Variants in AGBL1 observed in about 807,000 individuals in gnomAD.
The protein encoded by AGBL1 is cytosolic carboxypeptidase 4.
Under a neutral mutation model 118.9 loss-of-function variants are expected in AGBL1, and 130 were observed. The observed-to-expected ratio is 1.09, with a 90% CI of 0.95 to 1.26. The LOEUF is 1.26. Ranked by LOEUF, AGBL1 falls within the 50% of genes most tolerant of loss-of-function variation. The pLI is 0.00. For synonymous variants in AGBL1, 555 were observed against 478.9 expected (o/e 1.16, Z -2.08); for missense variants, 1,584 against 1,298.1 (o/e 1.22, Z -3.38).
In AGBL1 at chr15:87,001,666, G is replaced by A. The variant is rs563280417; in HGVS notation, c.3323+13578G>A. Among the ~76,000 whole-genome samples the A allele has an allele frequency of 1.2e-4, 19 of 152,034 alleles. No homozygotes were observed. In the East Asian group the frequency reaches 2.1e-3, roughly 17 times the overall value. ...GTTGTTTCCTGACTTTTTAATGATC[G>A]CCATTCTAACTGGTGGGAGATGATA... On this transcript the variant is annotated intron_variant, in intron 24 of 24. Transcript: ENST00000441037.
At chr15:86,452,452 C>G (rs932295841) in intron 18 of AGBL1, among the ~76,000 whole-genome samples, 1 of 152,176 alleles carries the variant, frequency 6.6e-6, no homozygotes, top group Non-Finnish European at 1.5e-5. Context: ...TTTCCATTTA[C>G]TCTCCCTGTC....
At chr15:86,160,161 T>C (rs939702855) in intron 5 of AGBL1, among the ~76,000 whole-genome samples, 6 of 150,600 alleles carry the variant, frequency 4.0e-5, no homozygotes, top group Non-Finnish European at 8.9e-5. Context: ...CAGTGTTCTA[T>C]GTCTCTCATT....
chr15:86,411,087 T>C (rs971066492), intron 18 of AGBL1, among the ~76,000 whole-genome samples: 7 of 150,578 alleles, frequency 4.6e-5, no homozygotes, highest in South Asian at 2.1e-4. Flanking sequence ...ATGCCTTTTT[T>C]CCTCATGCTT....
At chr15:86,942,953 T>C (rs1400593913) in intron 23 of AGBL1, among the ~76,000 whole-genome samples, 1 of 152,196 alleles carries the variant, frequency 6.6e-6, no homozygotes, top group Non-Finnish European at 1.5e-5. Context: ...CTGTTCTCAC[T>C]TTTCACTGTA....
intron 17 of AGBL1, among the ~76,000 whole-genome samples, chr15:86,325,505 G>A (rs1217539280): frequency 6.6e-6 from 1 of 152,148 alleles, no homozygotes; most frequent in Admixed American, 6.5e-5. Context: ...TGCAGGTTTG[G>A]CAGGGCCTCT....
chr15:86,913,978 T>C lies in AGBL1; in HGVS notation c.*6684T>C, dbSNP rs546533058. 114 of 152,314 alleles carry C rather than the reference T, an allele frequency of 7.5e-4. No individual in the cohort carries two copies. The highest frequency in any genetic ancestry group is 2.6e-3 in the African/African-American group (109 of 41,568). The allele number at this position is 152,314 out of a possible 1,614,324, so 9.4% of individuals were successfully genotyped here. On this transcript the variant is annotated 3_prime_UTR_variant, in exon 23 of 23. Coordinates refer to ENST00000614907, the MANE Select transcript of AGBL1 (RefSeq NM_001386094.1). Reference sequence around the variant, plus strand: ...GCTCTTATGGGGTTAAAATGATTTCTTGGTATCAGACAAGTATTATGACCA... The same window carrying C: ...GCTCTTATGGGGTTAAAATGATTTCCTGGTATCAGACAAGTATTATGACCA...
intron 22 of AGBL1, among the ~76,000 whole-genome samples, chr15:86,742,235 T>C (rs1484669572): frequency 1.3e-5 from 2 of 152,190 alleles, no homozygotes; most frequent in Non-Finnish European, 2.9e-5. Context: ...TTCCTTTTTG[T>C]ACTTTTTATG....
At chr15:86,448,514 A>G (rs749869299) in intron 18 of AGBL1, among the ~76,000 whole-genome samples, 2 of 152,350 alleles carry the variant, frequency 1.3e-5, no homozygotes, top group Non-Finnish European at 1.5e-5. Flanking sequence ...ACCCATTGTC[A>G]GTTAAGGAAC....
intron 21 of AGBL1, among the ~76,000 whole-genome samples, chr15:86,588,806 A>G (rs926052733): frequency 1.3e-5 from 2 of 152,196 alleles, no homozygotes; most frequent in Non-Finnish European, 1.5e-5. Flanking sequence ...ATTTATTGAT[A>G]GTGACTCTTC....
chr15:86,706,877 G>A (rs78677285), intron 22 of AGBL1, among the ~76,000 whole-genome samples: 4 of 152,060 alleles, frequency 2.6e-5, no homozygotes, highest in Non-Finnish European at 5.9e-5. Flanking sequence ...GCTTACTTCA[G>A]TTTTCTCTAC....
chr15:86,572,613 G>T (rs2084026472), intron 21 of AGBL1, among the ~76,000 whole-genome samples: 2 of 152,194 alleles, frequency 1.3e-5, no homozygotes, highest in Non-Finnish European at 2.9e-5. Context: ...AGCTGCGGAG[G>T]CTCTGGGCCT....
At chr15:86,105,464 G>A (rs961243347) in intron 1 of AGBL1, 1 of 152,202 alleles carries the variant, frequency 6.6e-6, no homozygotes. Flanking sequence ...AGTTAGATCT[G>A]TGTTCTGAAT....
intron 22 of AGBL1, among the ~76,000 whole-genome samples, chr15:86,845,043 T>C (rs938501813): frequency 6.6e-5 from 10 of 152,164 alleles, no homozygotes; most frequent in South Asian, 2.1e-4. Flanking sequence ...TCTACACTTT[T>C]ATGCAGTGCT....
At chr15:86,735,329 C>A (rs2077577449) in intron 22 of AGBL1, among the ~76,000 whole-genome samples, 1 of 152,168 alleles carries the variant, frequency 6.6e-6, no homozygotes, top group Admixed American at 6.5e-5. Flanking sequence ...GATCCACCCA[C>A]CTCAGCCTCC....
chr15:86,548,214 C>T (rs1401756701), intron 20 of AGBL1, among the ~76,000 whole-genome samples: 1 of 152,096 alleles, frequency 6.6e-6, no homozygotes, highest in African/African-American at 2.4e-5. Context: ...GAGGCTGATT[C>T]CTTCATTACC....
At chr15:86,938,226 T>C (rs1243070867) in intron 23 of AGBL1, among the ~76,000 whole-genome samples, 2 of 152,166 alleles carry the variant, frequency 1.3e-5, no homozygotes, top group East Asian at 1.9e-4. Context: ...AGATGAGCTA[T>C]GAAAATATTT....
intron 18 of AGBL1, among the ~76,000 whole-genome samples, chr15:86,447,228 C>T (rs2082131552): frequency 6.6e-6 from 1 of 152,146 alleles, no homozygotes; most frequent in Non-Finnish European, 1.5e-5. Context: ...AAGATAGATC[C>T]ACATTTGTAC....
intron 19 of AGBL1, among the ~76,000 whole-genome samples, chr15:86,534,960 C>T (rs908390830): frequency 2.6e-5 from 4 of 152,100 alleles, no homozygotes; most frequent in African/African-American, 9.7e-5. Flanking sequence ...TGATCAGAGT[C>T]GGTTACACAA....
chr15:86,192,939 A>G (rs192764559), intron 5 of AGBL1, among the ~76,000 whole-genome samples: 26 of 152,326 alleles, frequency 1.7e-4, no homozygotes, highest in African/African-American at 6.3e-4. Flanking sequence ...ATTTATTTCT[A>G]TTGAAAGCAC....
Sources: gnomAD v4.1 joint callset for allele counts (sites outside exome capture counted in the v4.1 genomes callset) on GRCh38, gnomAD v4.1.1 for gene constraint, MANE v1.5 for transcripts, NCBI Gene and HGNC (gene_info 2026-07-23, HGNC 2026-07-21) for gene names.